The following ESF1 variants were observed in gnomAD, a reference collection of about 807,000 sequenced individuals.
ESF1 encodes ESF1 homolog.
ESF1 carries 58 observed loss-of-function variants against 92.0 expected under a neutral mutation model. The observed-to-expected ratio is 0.63, with a 90% CI of 0.51 to 0.78. ESF1 has a LOEUF of 0.78. Ranked by LOEUF, ESF1 falls within the 30% of genes least tolerant of loss-of-function variation. The probability of loss-of-function intolerance (pLI) is 0.00; values close to 1 mark genes in which losing one functional copy is unlikely to be tolerated. For synonymous variants in ESF1, 321 were observed against 313.7 expected (o/e 1.02, Z -0.24); for missense variants, 922 against 989.1 (o/e 0.93, Z 0.91).
intron 10 of ESF1, among the ~76,000 whole-genome samples, chr20:13,730,759 C>A (rs2049937549): frequency 6.7e-6 from 1 of 149,930 alleles, no homozygotes; most frequent in African/African-American, 2.5e-5. Context: ...ATACTTTTAA[C>A]AAAGAATATT....
chr20:13,750,615 T>C (rs1380236633), intron 9 of ESF1, among the ~76,000 whole-genome samples: 1 of 152,264 alleles, frequency 6.6e-6, no homozygotes, highest in Non-Finnish European at 1.5e-5. Context: ...TGTATAATTT[T>C]ATCAGTATTT....
chr20:13,780,533 C>A (rs773937493), intron 2 of ESF1, among the ~76,000 whole-genome samples: 1 of 152,206 alleles, frequency 6.6e-6, no homozygotes, highest in Non-Finnish European at 1.5e-5. Context: ...ACTCCCTAGT[C>A]CTTGCTATCC....
chr20:13,738,445 T>C (rs2049990541), intron 9 of ESF1, among the ~76,000 whole-genome samples: 2 of 152,004 alleles, frequency 1.3e-5, no homozygotes, highest in African/African-American at 2.4e-5. Context: ...TCCTGAGTAG[T>C]GGGACCACAG....
intron 1 of ESF1, among the ~76,000 whole-genome samples, chr20:13,784,475 A>G (rs1376603821): frequency 6.6e-6 from 1 of 152,182 alleles, no homozygotes; most frequent in African/African-American, 2.4e-5. Context: ...TACTGCATGT[A>G]TTGTAAATGT....
intron 9 of ESF1, among the ~76,000 whole-genome samples, chr20:13,747,162 T>G (rs770604809): frequency 6.6e-6 from 1 of 152,138 alleles, no homozygotes; most frequent in Non-Finnish European, 1.5e-5. Context: ...TAAGGTTTAC[T>G]CTTTCAACTT....
At position 13,717,526 on chromosome 20, in the gene ESF1, A is replaced by G. The variant is rs1340677431; in HGVS notation, c.2116-12T>C. 3.7e-6 allele frequency: 6 copies of G among 1,600,956 alleles called. No individual in the cohort carries two copies. In the African/African-American group the frequency reaches 4.0e-5, roughly 11 times the overall value. ...AAAGCCATTTCAGCCTGTAGAGAGCAAAAAAAAGTTCAAATGTACAACAGT... is the reference window on the plus strand; with the variant it reads ...AAAGCCATTTCAGCCTGTAGAGAGCGAAAAAAAGTTCAAATGTACAACAGT... On this transcript the variant is annotated splice_polypyrimidine_tract_variant and intron_variant, in intron 12 of 13. Coordinates refer to ENST00000617257, the MANE Select transcript of ESF1 (RefSeq NM_001276380.2).
chr20:13,731,815 G>A (rs1043838125), intron 10 of ESF1, among the ~76,000 whole-genome samples: 1 of 152,174 alleles, frequency 6.6e-6, no homozygotes, highest in Non-Finnish European at 1.5e-5. Context: ...TGTAGTTGTG[G>A]GGAAGGAATG....
At chr20:13,754,198 A>G (rs1355769154) in intron 9 of ESF1, among the ~76,000 whole-genome samples, 2 of 152,188 alleles carry the variant, frequency 1.3e-5, no homozygotes, top group South Asian at 4.1e-4. Flanking sequence ...TGAGCTTCAC[A>G]CTGCTAAATC....
At chr20:13,759,666 G>T (rs776648887) in intron 9 of ESF1, 26 bp downstream of exon 9, 47 of 1,564,882 alleles carry the variant, frequency 3.0e-5, no homozygotes, top group Non-Finnish European at 3.9e-5. Context: ...TCGAAAAAGA[G>T]AAAACATTTA....
intron 2 of ESF1, among the ~76,000 whole-genome samples, chr20:13,777,960 A>G (rs552311747): frequency 2.0e-5 from 3 of 152,234 alleles, no homozygotes; most frequent in Non-Finnish European, 4.4e-5. Flanking sequence ...CATACAAAGA[A>G]TTGAGCTAGG....
intron 2 of ESF1, among the ~76,000 whole-genome samples, chr20:13,782,147 G>A (rs927183216): frequency 6.6e-6 from 1 of 152,032 alleles, no homozygotes; most frequent in South Asian, 2.1e-4. Flanking sequence ...CAAAGTGCTG[G>A]GATTACAGGC....
chr20:13,722,991 A>T (rs1417579673), intron 11 of ESF1, among the ~76,000 whole-genome samples: 1 of 152,228 alleles, frequency 6.6e-6, no homozygotes, highest in Non-Finnish European at 1.5e-5. Flanking sequence ...AAATCTAACC[A>T]ATCCTTACTG....
chr20:13,726,082 T>A (rs1048872179), intron 11 of ESF1, among the ~76,000 whole-genome samples: 1 of 152,184 alleles, frequency 6.6e-6, no homozygotes, highest in African/African-American at 2.4e-5. Context: ...ACGAGCGGCA[T>A]GCCAGGTAAA....
chr20:13,782,456 AAAAT>A lies in ESF1; in HGVS notation c.637+44_637+47del, dbSNP rs748307561. On this transcript the variant is annotated intron_variant, in intron 2 of 13. Coordinates refer to ENST00000617257, the MANE Select transcript of ESF1 (RefSeq NM_001276380.2). ...TTTACATTTTTGAAAGATCAGTATA[AAAAT>A]AAATAATGTAACACCCAAGAATCTC... The A allele has an allele frequency of 6.3e-6, 9 of 1,434,932 alleles. No homozygotes were observed. In the South Asian group the frequency reaches 6.9e-5, roughly 11 times the overall value. 88.9% of individuals were successfully genotyped at this position (1,434,932 alleles called of 1,614,324 possible).
In ESF1 at chr20:13,782,932, C is replaced by T. The variant is rs561269509; in HGVS notation, c.209G>A (p.Arg70His). 119 of 1,613,996 alleles carry T rather than the reference C, an allele frequency of 7.4e-5. No homozygotes were observed. Among genetic ancestry groups the T allele is most frequent in the Middle Eastern group, 3.3e-4 (2 of 6,062 alleles). The change falls in exon 2 of 14, where the codon CGT becomes CAT. Residue 70 changes from arginine (R) to histidine (H), a missense_variant. By Grantham distance (29) the Arg-to-His change is conservative (BLOSUM62 0). Coordinates refer to ENST00000617257, the MANE Select transcript of ESF1 (RefSeq NM_001276380.2). ...ISHSTTEDLK[R>H]FYDLSDSDSN... ...ATCAGAATCTGAAAGGTCGTAAAAA[C>T]GCTTCAAATCCTCTGTAGTGCTATG... is the stretch of plus-strand genomic sequence containing the variant.
At chr20:13,731,531 C>CAAAA (rs35867169) in intron 10 of ESF1, among the ~76,000 whole-genome samples, 1 of 71,500 alleles carries the variant, frequency 1.4e-5, no homozygotes, top group Non-Finnish European at 2.7e-5. Flanking sequence ...GACTCGGTCT[C>CAAAA]AAAAAAAAAA....
chr20:13,744,795 C>T (rs2050037575), intron 9 of ESF1, among the ~76,000 whole-genome samples: 1 of 152,242 alleles, frequency 6.6e-6, no homozygotes, highest in Admixed American at 6.5e-5. Flanking sequence ...TAAATTGCTA[C>T]TCATTCCCAA....
chr20:13,754,684 C>T (rs989990817), intron 9 of ESF1, among the ~76,000 whole-genome samples: 1 of 152,278 alleles, frequency 6.6e-6, no homozygotes, highest in East Asian at 1.9e-4. Context: ...TTGGTCCTTG[C>T]CCCCCACTTT....
intron 12 of ESF1, among the ~76,000 whole-genome samples, chr20:13,718,326 T>C (rs1388060004): frequency 1.3e-5 from 2 of 152,224 alleles, no homozygotes; most frequent in Admixed American, 6.5e-5. Context: ...GACATGAACA[T>C]CAGCCCTAGG....
Sources: gnomAD v4.1 joint callset for allele counts (sites outside exome capture counted in the v4.1 genomes callset) on GRCh38, gnomAD v4.1.1 for gene constraint, MANE v1.5 for transcripts, NCBI Gene and HGNC (gene_info 2026-07-23, HGNC 2026-07-21) for gene names.